The following CLASP2 variants were observed in gnomAD, a reference collection of about 807,000 sequenced individuals.
CLASP2 encodes CLIP-associating protein 2.
CLASP2 carries 47 observed loss-of-function variants against 194.4 expected under a neutral mutation model. The observed-to-expected ratio is 0.24, with a 90% CI of 0.19 to 0.31. CLASP2 has a LOEUF of 0.31. CLASP2 is among the 10% of genes least tolerant of loss of function. CLASP2 has a pLI of 1.00. For missense variants in CLASP2, 1,445 were observed against 1,823.6 expected (o/e 0.79, Z 3.78); for synonymous variants, 619 against 633.5 (o/e 0.98, Z 0.34).
chr3:33,591,363 AG>A (rs1196780072), intron 21 of CLASP2, among the ~76,000 whole-genome samples: 2 of 152,268 alleles, frequency 1.3e-5, no homozygotes, highest in African/African-American at 4.8e-5. Context: ...CTGTAATCCC[AG>A]CACTCTGGGA....
At chr3:33,683,931 CAAAAA>C (rs35349805) in intron 6 of CLASP2, among the ~76,000 whole-genome samples, 2 of 78,870 alleles carry the variant, frequency 2.5e-5, no homozygotes, top group Admixed American at 1.5e-4. Flanking sequence ...GACTCTGTCT[CAAAAA>C]AAAAAAAAAA....
chr3:33,716,259 G>C lies in CLASP2; in HGVS notation c.195+1549C>G, dbSNP rs552875338. Among the ~76,000 whole-genome samples, 3 of 152,258 alleles carry C rather than the reference G, an allele frequency of 2.0e-5. No individual in the cohort carries two copies. The East Asian group carries it at 5.8e-4, about 29-fold the overall frequency. On this transcript the variant is annotated intron_variant, in intron 1 of 38. Coordinates refer to ENST00000682230, the MANE Select transcript of CLASP2 (RefSeq NM_001365631.1). ...CTAGTGAGGAGCATGGAGAAAATAC[G>C]TAGTGAAAACAGAAAAGAACCCGGA...
intron 6 of CLASP2, among the ~76,000 whole-genome samples, chr3:33,664,607 A>C (rs2085859968): frequency 6.6e-6 from 1 of 152,220 alleles, no homozygotes; most frequent in African/African-American, 2.4e-5. Context: ...GGATTTCTAA[A>C]CCTTAACATC....
chr3:33,523,823 G>C (rs2053800391), intron 34 of CLASP2, among the ~76,000 whole-genome samples: 1 of 152,102 alleles, frequency 6.6e-6, no homozygotes, highest in Non-Finnish European at 1.5e-5. Flanking sequence ...TGAAAAGGGT[G>C]GGGTCAGAGC....
chr3:33,548,164 T>C (rs1223051552), intron 30 of CLASP2, among the ~76,000 whole-genome samples: 3 of 152,192 alleles, frequency 2.0e-5, no homozygotes, highest in Non-Finnish European at 1.5e-5. Context: ...TGGTAGTTTG[T>C]ATTTTTCTAG....
chr3:33,543,354 C>A (rs2058676209), intron 32 of CLASP2, 79 bp downstream of exon 32: 1 of 993,224 alleles, frequency 1.0e-6, no homozygotes, highest in Non-Finnish European at 1.6e-6. Flanking sequence ...GCCTGGGCGA[C>A]AGAGCAAGAC....
chr3:33,619,978 T>C (rs757783098), intron 11 of CLASP2, among the ~76,000 whole-genome samples: 64 of 152,262 alleles, frequency 4.2e-4, no homozygotes, highest in Admixed American at 1.4e-3. Context: ...TCTTTGCAAT[T>C]AGCACTTGGA....
chr3:33,711,179 T>C (rs1482405453), intron 1 of CLASP2, among the ~76,000 whole-genome samples: 1 of 151,998 alleles, frequency 6.6e-6, no homozygotes, highest in Non-Finnish European at 1.5e-5. Context: ...TTTGTGTTTT[T>C]CTCCAAACAC....
intron 7 of CLASP2, among the ~76,000 whole-genome samples, chr3:33,653,834 G>A (rs1050010906): frequency 2.0e-5 from 3 of 151,996 alleles, no homozygotes; most frequent in Non-Finnish European, 4.4e-5. Flanking sequence ...TGTCTGAAAT[G>A]CTTCATTAAA....
intron 10 of CLASP2, among the ~76,000 whole-genome samples, chr3:33,623,409 T>C (rs1333314148): frequency 6.6e-6 from 1 of 152,032 alleles, no homozygotes; most frequent in Non-Finnish European, 1.5e-5. Flanking sequence ...CTCCTCTTTA[T>C]TCTCCCTACC....
At chr3:33,653,995 C>CA (rs1167278143) in intron 7 of CLASP2, among the ~76,000 whole-genome samples, 2 of 123,820 alleles carry the variant, frequency 1.6e-5, no homozygotes, top group Non-Finnish European at 3.4e-5. Flanking sequence ...TTAAAAGATG[C>CA]AAAAAAAGAA....
chr3:33,577,414 T>C (rs760652950), intron 23 of CLASP2: 57 of 582,526 alleles, frequency 9.8e-5, no homozygotes, highest in Non-Finnish European at 1.6e-4. Context: ...CAATGGAACA[T>C]TAGCATTGCA....
intron 38 of CLASP2, among the ~76,000 whole-genome samples, chr3:33,501,101 A>C (rs1173367530): frequency 6.6e-6 from 1 of 152,220 alleles, no homozygotes; most frequent in Non-Finnish European, 1.5e-5. Flanking sequence ...GAGAAAGGCA[A>C]GACTTACTTA....
intron 29 of CLASP2, 62 bp from the exon 30 acceptor site, chr3:33,551,457 ATTTC>A: frequency 6.7e-7 from 1 of 1,482,782 alleles, no homozygotes; most frequent in Admixed American, 2.0e-5. Flanking sequence ...ACTAGAGAAC[ATTTC>A]AAAAATAATC....
At chr3:33,697,057 G>A (rs2091985450) in intron 1 of CLASP2, 124 bp from the exon 2 acceptor site, 5 of 623,892 alleles carry the variant, frequency 8.0e-6, no homozygotes, top group Non-Finnish European at 1.4e-5. Context: ...TGAGATTTAA[G>A]TATTCAAGGG....
intron 1 of CLASP2, among the ~76,000 whole-genome samples, chr3:33,715,277 C>CA (rs2093237845): frequency 6.6e-6 from 1 of 152,206 alleles, no homozygotes; most frequent in African/African-American, 2.4e-5. Context: ...CTTTCTAATG[C>CA]AATGGCAGGG....
chr3:33,519,366 G>A (rs2052326582), intron 34 of CLASP2, among the ~76,000 whole-genome samples: 3 of 152,078 alleles, frequency 2.0e-5, no homozygotes, highest in Admixed American at 2.0e-4. Flanking sequence ...CGATTGTAAT[G>A]TGGGCAGAAA....
At chr3:33,610,131 C>A (rs367974261) in intron 13 of CLASP2, among the ~76,000 whole-genome samples, 1 of 152,196 alleles carries the variant, frequency 6.6e-6, no homozygotes, top group Non-Finnish European at 1.5e-5. Context: ...TTCTCTCTTC[C>A]ATGAATTATA....
intron 24 of CLASP2, among the ~76,000 whole-genome samples, chr3:33,573,889 G>C (rs2064274921): frequency 6.6e-6 from 1 of 151,884 alleles, no homozygotes; most frequent in Admixed American, 6.6e-5. Context: ...ATGTCTCCTA[G>C]AGAAATAAAA....
Sources: allele counts gnomAD v4.1 joint callset (sites outside exome capture counted in the v4.1 genomes callset), GRCh38; gene constraint gnomAD v4.1.1; transcripts MANE v1.5; gene names NCBI Gene and HGNC (gene_info 2026-07-23, HGNC 2026-07-21).